The following SPIDR variants were observed in gnomAD, a reference collection of about 807,000 sequenced individuals.
SPIDR encodes scaffold protein involved in DNA repair.
SPIDR carries 93 observed loss-of-function variants against 104.6 expected under a neutral mutation model. That is an observed-to-expected ratio of 0.89 (90% confidence interval 0.75 to 1.06). The LOEUF is 1.06. SPIDR is among the 50% of genes least tolerant of loss of function. The probability of loss-of-function intolerance (pLI) is 0.00; values close to 1 mark genes in which losing one functional copy is unlikely to be tolerated. For synonymous variants in SPIDR, 431 were observed against 416.9 expected, an observed-to-expected ratio of 1.03 and a Z score of -0.41; for missense variants, 1,154 against 1,111.2, an observed-to-expected ratio of 1.04 and a Z score of -0.55.
intron 5 of SPIDR, among the ~76,000 whole-genome samples, chr8:47,329,180 C>T (rs532101438): frequency 6.6e-6 from 1 of 152,122 alleles, no homozygotes; most frequent in African/African-American, 2.4e-5. Context: ...ACGCCATTCT[C>T]CTGCCTCAGC....
chr8:47,299,265 G>A (rs2041553442), intron 5 of SPIDR, among the ~76,000 whole-genome samples: 1 of 152,108 alleles, frequency 6.6e-6, no homozygotes, highest in Admixed American at 6.6e-5. Context: ...TGTTATTGGT[G>A]TATAAGAATG....
At chr8:47,691,404 G>C (rs1334093399) in intron 11 of SPIDR, among the ~76,000 whole-genome samples, 1 of 152,062 alleles carries the variant, frequency 6.6e-6, no homozygotes, top group Non-Finnish European at 1.5e-5. Flanking sequence ...GTATTCATAG[G>C]CTATTCTTAG....
At chr8:47,370,778 A>G (rs782181725) in intron 5 of SPIDR, among the ~76,000 whole-genome samples, 4 of 151,992 alleles carry the variant, frequency 2.6e-5, no homozygotes, top group Non-Finnish European at 5.9e-5. Context: ...ATTCTCTCGC[A>G]TAGTAGATTT....
intron 7 of SPIDR, among the ~76,000 whole-genome samples, chr8:47,417,617 C>G (rs1223357959): frequency 2.6e-5 from 4 of 152,160 alleles, no homozygotes; most frequent in African/African-American, 9.7e-5. Flanking sequence ...TGCAGAAGCT[C>G]TTTAGTTTAA....
chr8:47,667,440 GAAAAAA>G (rs528607871), intron 10 of SPIDR, among the ~76,000 whole-genome samples: 6 of 52,606 alleles, frequency 1.1e-4, no homozygotes, highest in South Asian at 1.4e-3. Context: ...CTTCAAAAGG[GAAAAAA>G]AAAAAAAAAA....
At chr8:47,700,365 T>C (rs776821085) in intron 11 of SPIDR, 38 bp from the exon 12 acceptor site, 15 of 1,604,508 alleles carry the variant, frequency 9.3e-6, no homozygotes, top group African/African-American at 1.3e-5. Flanking sequence ...CAGTAAGGGA[T>C]GTCTGATGAT....
chr8:47,547,049 C>G (rs976219873), intron 8 of SPIDR: 1 of 513,288 alleles, frequency 1.9e-6, no homozygotes, highest in African/African-American at 2.0e-5. Context: ...CAGTCACCAT[C>G]CACAGGTTAC....
In SPIDR at chr8:47,592,336, A is replaced by G. The variant is rs1015689174; in HGVS notation, c.1098-3475A>G. Reference sequence around the variant, plus strand: ...TGCTGGGGACCAGTTACCTTTCAAAATATCGAAACATATTCTTCCCAACTT... The same window carrying G: ...TGCTGGGGACCAGTTACCTTTCAAAGTATCGAAACATATTCTTCCCAACTT... On this transcript the variant is annotated intron_variant, in intron 8 of 19. Coordinates refer to ENST00000297423, the MANE Select transcript of SPIDR (RefSeq NM_001080394.4). 12 of 1,179,482 alleles carry G rather than the reference A, an allele frequency of 1.0e-5. No homozygotes were observed. In the Admixed American group the frequency reaches 1.7e-4, roughly 17 times the overall value. 73.1% of individuals were successfully genotyped at this position (1,179,482 alleles called of 1,614,324 possible).
At chr8:47,485,687 G>A (rs1328896800) in intron 8 of SPIDR, among the ~76,000 whole-genome samples, 2 of 152,176 alleles carry the variant, frequency 1.3e-5, no homozygotes, top group South Asian at 2.1e-4. Context: ...AGCAGCATTT[G>A]CCGTTCTGCA....
At chr8:47,620,178 C>T (rs1246541627) in intron 10 of SPIDR, among the ~76,000 whole-genome samples, 1 of 152,054 alleles carries the variant, frequency 6.6e-6, no homozygotes, top group Admixed American at 6.5e-5. Context: ...AAAGTTCAGC[C>T]AGGTTTTGAG....
At chr8:47,501,071 T>G (rs1350199974) in intron 8 of SPIDR, among the ~76,000 whole-genome samples, 1 of 152,234 alleles carries the variant, frequency 6.6e-6, no homozygotes, top group Non-Finnish European at 1.5e-5. Context: ...TGAAGTCAGG[T>G]AGCGTGATGC....
intron 5 of SPIDR, among the ~76,000 whole-genome samples, chr8:47,340,559 G>T (rs1380505278): frequency 6.6e-6 from 1 of 152,112 alleles, no homozygotes; most frequent in African/African-American, 2.4e-5. Flanking sequence ...CCGACATTGC[G>T]CCACTGCACT....
chr8:47,347,874 G>A (rs1180659549), intron 5 of SPIDR, among the ~76,000 whole-genome samples: 2 of 152,124 alleles, frequency 1.3e-5, no homozygotes, highest in East Asian at 3.9e-4. Context: ...CCTGAATACA[G>A]CACACTGATG....
chr8:47,282,553 T>C (rs2037997749), intron 2 of SPIDR, among the ~76,000 whole-genome samples: 1 of 152,240 alleles, frequency 6.6e-6, no homozygotes, highest in Non-Finnish European at 1.5e-5. Flanking sequence ...TCTTCACCTC[T>C]CTCAGCCTTC....
At chr8:47,415,941 A>G (rs144268741) in intron 7 of SPIDR, among the ~76,000 whole-genome samples, 248 of 152,242 alleles carry the variant, frequency 1.6e-3, no homozygotes, top group African/African-American at 5.8e-3. Context: ...GCAGCCACTA[A>G]TCTGTTAAAC....
At chr8:47,631,687 G>C (rs1386458394) in intron 10 of SPIDR, among the ~76,000 whole-genome samples, 1 of 152,220 alleles carries the variant, frequency 6.6e-6, no homozygotes, top group Non-Finnish European at 1.5e-5. Flanking sequence ...CTGTTCACCA[G>C]AAATTCAGAG....
rs2040387697 is a variant in SPIDR, at chr8:47,293,962, T to G, written c.457T>G (p.Ser153Ala). Residue 153 changes from serine (S) to alanine (A), a missense_variant, in exon 5 of 20, where the codon TCA (serine) becomes GCA (alanine). Transcript: ENST00000297423. ...FEDDEGAVEI[S>A]DCASCASNQS... Reference sequence around the variant, plus strand: ...AGATGACGAGGGTGCTGTGGAAATCTCAGACTGTGCTTCTTGTGCAAGTAA... The same window carrying G: ...AGATGACGAGGGTGCTGTGGAAATCGCAGACTGTGCTTCTTGTGCAAGTAA... 3 of 1,614,190 alleles carry G rather than the reference T, an allele frequency of 1.9e-6. No individual in the cohort carries two copies. The highest frequency in any genetic ancestry group is 1.7e-5 in the Admixed American group (1 of 60,012).
intron 10 of SPIDR, among the ~76,000 whole-genome samples, chr8:47,672,716 G>A (rs1315854013): frequency 6.6e-6 from 1 of 152,050 alleles, no homozygotes; most frequent in Non-Finnish European, 1.5e-5. Flanking sequence ...AATATCTCAA[G>A]TCCCCAGCAG....
intron 7 of SPIDR, among the ~76,000 whole-genome samples, chr8:47,421,951 A>T (rs565203490): frequency 2.7e-4 from 41 of 152,302 alleles, no homozygotes; most frequent in African/African-American, 9.4e-4. Context: ...CAAATGTTGC[A>T]GCCTGATTGT....
Sources: gnomAD v4.1 joint callset for allele counts (sites outside exome capture counted in the v4.1 genomes callset) on GRCh38, gnomAD v4.1.1 for gene constraint, MANE v1.5 for transcripts, NCBI Gene and HGNC (gene_info 2026-07-23, HGNC 2026-07-21) for gene names.